Variants in DNAJC7 observed in about 807,000 individuals in gnomAD.
DNAJC7 encodes the protein dnaJ homolog subfamily C member 7.
A neutral mutation model predicts 67.4 loss-of-function variants in DNAJC7; 18 were observed. That is an observed-to-expected ratio of 0.27 (90% CI 0.18 to 0.40). The LOEUF (loss-of-function observed/expected upper bound fraction) is 0.40, where lower values mean the gene tolerates loss of function less well. Ranked by LOEUF, DNAJC7 falls within the 10% of genes least tolerant of loss-of-function variation. DNAJC7 has a pLI of 1.00. For missense variants in DNAJC7, 419 were observed against 613.8 expected (o/e 0.68, Z 3.35); for synonymous variants, 220 against 207.8 (o/e 1.06, Z -0.50).
At chr17:42,017,318 T>C (rs2143405016) in intron 1 of DNAJC7, 22 bp downstream of exon 1, 1 of 1,611,100 alleles carries the variant, frequency 6.2e-7, no homozygotes, top group Non-Finnish European at 8.5e-7. Flanking sequence ...TCGCCTCCTC[T>C]ACTACCCTGC....
chr17:41,979,657 T>A (rs1294781519), intron 12 of DNAJC7, among the ~76,000 whole-genome samples: 6 of 47,836 alleles, frequency 1.3e-4, no homozygotes, highest in Admixed American at 4.0e-4. Flanking sequence ...GGCTCAGTCT[T>A]AAAAAAAAAA....
At chr17:42,008,826 G>A (rs2052043306) in intron 1 of DNAJC7, among the ~76,000 whole-genome samples, 1 of 152,142 alleles carries the variant, frequency 6.6e-6, no homozygotes, top group South Asian at 2.1e-4. Context: ...TCCTGCCTCA[G>A]CCTCCTGAGT....
intron 2 of DNAJC7, among the ~76,000 whole-genome samples, chr17:41,999,807 C>CCA (rs2051759322): frequency 6.6e-6 from 1 of 152,184 alleles, no homozygotes; most frequent in Non-Finnish European, 1.5e-5. Context: ...GCGTGAGCCA[C>CCA]TGAGCCTGGC....
intron 1 of DNAJC7, among the ~76,000 whole-genome samples, chr17:42,002,769 C>G (rs576937934): frequency 8.5e-5 from 13 of 152,170 alleles, no homozygotes; most frequent in African/African-American, 3.1e-4. Context: ...GTCTGTACTA[C>G]GAGGAGTAAG....
At chr17:41,983,780 A>T in intron 9 of DNAJC7, 144 bp from the exon 10 acceptor site, 1 of 614,906 alleles carries the variant, frequency 1.6e-6, no homozygotes, top group Non-Finnish European at 2.6e-6. Flanking sequence ...TTAATCTAGC[A>T]GTGAGAGAAA....
Position 41,996,398 on chromosome 17 carries a change from G to T in DNAJC7, c.318C>A (p.His106Gln). The T allele has an allele frequency of 6.2e-7, 1 of 1,613,996 alleles. No homozygotes were observed. The highest frequency in any genetic ancestry group is 8.5e-7 in the Non-Finnish European group (1 of 1,179,886). The change falls in exon 4 of 14, where the codon CAC becomes CAA. Residue 106 changes from histidine to glutamine, a missense_variant. Coordinates refer to ENST00000457167, the MANE Select transcript of DNAJC7 (RefSeq NM_003315.4). Reference sequence around the variant, plus strand: ...CTGCCATGGCATTCCCCAGAGAGAGGTGGCACTTGCCCTCTCGTAGATGTC... The same window carrying T: ...CTGCCATGGCATTCCCCAGAGAGAGTTGGCACTTGCCCTCTCGTAGATGTC... ...VRGHLREGKC[H>Q]LSLGNAMAAC... is the part of the protein sequence containing the mutation.
chr17:41,997,951 C>T (rs2051705558), intron 2 of DNAJC7, among the ~76,000 whole-genome samples: 1 of 152,204 alleles, frequency 6.6e-6, no homozygotes, highest in Non-Finnish European at 1.5e-5. Flanking sequence ...CATCCTCCGC[C>T]TCCTGGGCTC....
At chr17:42,006,206 T>G (rs1278140825) in intron 1 of DNAJC7, among the ~76,000 whole-genome samples, 1 of 151,036 alleles carries the variant, frequency 6.6e-6, no homozygotes, top group Non-Finnish European at 1.5e-5. Flanking sequence ...TAGGCTGGAG[T>G]GCAGTGGCGC....
At chr17:41,999,752 T>C (rs2051757354) in intron 2 of DNAJC7, among the ~76,000 whole-genome samples, 1 of 152,150 alleles carries the variant, frequency 6.6e-6, no homozygotes, top group Admixed American at 6.5e-5. Context: ...CTCCTGACTT[T>C]AGGTGATCTG....
chr17:42,006,808 A>AAAAAAAAG (rs2143314267), intron 1 of DNAJC7, among the ~76,000 whole-genome samples: 1 of 139,318 alleles, frequency 7.2e-6, no homozygotes, highest in East Asian at 2.1e-4. Flanking sequence ...AAAAAAAAAA[A>AAAAAAAAG]AAAAAAAAAA....
At chr17:42,011,114 T>C (rs1401376769) in intron 1 of DNAJC7, 1 of 152,168 alleles carries the variant, frequency 6.6e-6, no homozygotes, top group Non-Finnish European at 1.5e-5. Context: ...CAAAGACTAG[T>C]GCAGTAAGGG....
chr17:41,995,738 C>T (rs1239256504), intron 4 of DNAJC7, among the ~76,000 whole-genome samples: 3 of 152,236 alleles, frequency 2.0e-5, no homozygotes, highest in Admixed American at 6.5e-5. Flanking sequence ...GCGACACATA[C>T]TATATATGGA....
At chr17:41,988,204 T>C (rs577407905) in intron 8 of DNAJC7, among the ~76,000 whole-genome samples, 37 of 152,316 alleles carry the variant, frequency 2.4e-4, no homozygotes, top group Middle Eastern at 6.8e-3. Flanking sequence ...CCTCCTTTTT[T>C]CCAGAGGTCA....
At chr17:41,990,589 A>C (rs1046733865) in intron 5 of DNAJC7, among the ~76,000 whole-genome samples, 4 of 152,234 alleles carry the variant, frequency 2.6e-5, no homozygotes, top group Non-Finnish European at 5.9e-5. Context: ...TAATGAGGAC[A>C]GTAAACATTT....
chr17:41,984,845 GAC>G (rs1395437526), intron 9 of DNAJC7: 16 of 143,732 alleles, frequency 1.1e-4, no homozygotes, highest in African/African-American at 4.2e-4. Flanking sequence ...TTTTTTTTTT[GAC>G]ACAGAGTCTC....
chr17:41,983,289 A>AT (rs1157457080), intron 10 of DNAJC7, among the ~76,000 whole-genome samples: 10 of 151,794 alleles, frequency 6.6e-5, no homozygotes, highest in Non-Finnish European at 1.3e-4. Context: ...CATACCCACA[A>AT]TTTTTTGTAT....
chr17:41,996,967 A>T, intron 3 of DNAJC7, 148 bp downstream of exon 3: 1 of 1,279,580 alleles, frequency 7.8e-7, no homozygotes, highest in Non-Finnish European at 1.1e-6. Context: ...AGATGCTGCT[A>T]AACAACCCAC....
intron 2 of DNAJC7, among the ~76,000 whole-genome samples, chr17:41,997,912 G>A (rs2051704056): frequency 6.6e-6 from 1 of 152,042 alleles, no homozygotes; most frequent in Non-Finnish European, 1.5e-5. Context: ...GCCCACGCTG[G>A]ACTGCAGTGG....
intron 1 of DNAJC7, among the ~76,000 whole-genome samples, chr17:42,008,701 C>T (rs1555650699): frequency 6.6e-6 from 1 of 151,892 alleles, no homozygotes; most frequent in Admixed American, 6.6e-5. Flanking sequence ...TGAGCCACCG[C>T]GCCGGGTCAG....
Sources: gnomAD v4.1 joint callset for allele counts (sites outside exome capture counted in the v4.1 genomes callset) on GRCh38, gnomAD v4.1.1 for gene constraint, MANE v1.5 for transcripts, NCBI Gene and HGNC (gene_info 2026-07-23, HGNC 2026-07-21) for gene names.